The following DLG2 variants were observed in gnomAD, a reference collection of about 807,000 sequenced individuals.
The protein encoded by DLG2 is discs large MAGUK scaffold protein 2.
In DLG2, 45 loss-of-function variants were observed where a neutral mutation model predicts 132.5. The observed-to-expected ratio is 0.34, with a 90% CI of 0.27 to 0.44. The LOEUF is 0.44. Ranked by LOEUF, DLG2 falls within the 20% of genes least tolerant of loss-of-function variation. DLG2 has a pLI of 1.00. For synonymous variants in DLG2, 424 were observed against 419.6 expected, an observed-to-expected ratio of 1.01 and a Z score of -0.13; for missense variants, 1,045 against 1,196.9, an observed-to-expected ratio of 0.87 and a Z score of 1.87.
intron 4 of DLG2, among the ~76,000 whole-genome samples, chr11:85,184,846 T>C (rs2079979884): frequency 6.6e-6 from 1 of 151,794 alleles, no homozygotes; most frequent in Non-Finnish European, 1.5e-5. Context: ...TTAACAACTA[T>C]ACTGTGTTAT....
intron 6 of DLG2, among the ~76,000 whole-genome samples, chr11:84,618,014 G>T (rs762602760): frequency 5.9e-5 from 9 of 152,082 alleles, no homozygotes; most frequent in Admixed American, 2.6e-4. Flanking sequence ...GGGGCTTAAA[G>T]AACACTTAAA....
chr11:85,364,497 C>G (rs780430555), intron 3 of DLG2, among the ~76,000 whole-genome samples: 1 of 152,200 alleles, frequency 6.6e-6, no homozygotes, highest in Non-Finnish European at 1.5e-5. Flanking sequence ...TGATTCTACA[C>G]TGACACATGG....
intron 6 of DLG2, among the ~76,000 whole-genome samples, chr11:85,059,054 A>G (rs964193463): frequency 2.0e-5 from 3 of 151,562 alleles, no homozygotes; most frequent in African/African-American, 7.2e-5. Context: ...TCGCCGTTAG[A>G]AAAAGGAAAA....
At chr11:85,610,871 A>G (rs1002537310) in intron 2 of DLG2, among the ~76,000 whole-genome samples, 1 of 152,226 alleles carries the variant, frequency 6.6e-6, no homozygotes, top group Non-Finnish European at 1.5e-5. Flanking sequence ...GGTTCCTTGG[A>G]ATCACGGGCT....
At chr11:84,382,645 T>C (rs140374036) in intron 7 of DLG2, among the ~76,000 whole-genome samples, 1 of 152,260 alleles carries the variant, frequency 6.6e-6, no homozygotes, top group African/African-American at 2.4e-5. Context: ...TGTCCTTAAA[T>C]ACCAATTTGG....
At chr11:84,827,260 A>G (rs1210654564) in intron 6 of DLG2, among the ~76,000 whole-genome samples, 1 of 151,758 alleles carries the variant, frequency 6.6e-6, no homozygotes, top group Non-Finnish European at 1.5e-5. Context: ...TCGAGGGGGC[A>G]TCATGGTAAT....
At chr11:84,673,134 A>G (rs1026292508) in intron 6 of DLG2, among the ~76,000 whole-genome samples, 34 of 152,116 alleles carry the variant, frequency 2.2e-4, no homozygotes, top group Non-Finnish European at 2.4e-4. Context: ...TTGACATGAC[A>G]TTTGGGCAGG....
intron 3 of DLG2, among the ~76,000 whole-genome samples, chr11:85,332,024 C>A (rs1165934856): frequency 2.0e-5 from 3 of 152,154 alleles, no homozygotes; most frequent in African/African-American, 7.2e-5. Context: ...GTTTTAAGTT[C>A]TTTGAGAAAT....
chr11:83,836,258 A>T (rs1392758735), intron 16 of DLG2, among the ~76,000 whole-genome samples: 1 of 152,160 alleles, frequency 6.6e-6, no homozygotes, highest in African/African-American at 2.4e-5. Flanking sequence ...TTGCATGTTC[A>T]TCTCATCCAG....
intron 15 of DLG2, among the ~76,000 whole-genome samples, chr11:83,875,259 ATAAG>A (rs1166437452): frequency 6.6e-6 from 1 of 152,176 alleles, no homozygotes; most frequent in Non-Finnish European, 1.5e-5. Context: ...GATTTTGTAG[ATAAG>A]TAATATAAAT....
At chr11:84,502,251 C>CTTCTTTCTTTCTTTCT in intron 7 of DLG2, among the ~76,000 whole-genome samples, 1 of 35,576 alleles carries the variant, frequency 2.8e-5, no homozygotes, top group South Asian at 1.5e-3. Context: ...TCCTTCCTTC[C>CTTCTTTCTTTCTTTCT]TTCCTTCCTT....
At chr11:84,547,812 A>G (rs183004499) in intron 6 of DLG2, among the ~76,000 whole-genome samples, 1 of 152,140 alleles carries the variant, frequency 6.6e-6, no homozygotes, top group African/African-American at 2.4e-5. Flanking sequence ...TCTGCTTGGG[A>G]CCCAGTAGGT....
chr11:83,733,794 G>A (rs2091433606), intron 18 of DLG2, among the ~76,000 whole-genome samples: 1 of 152,168 alleles, frequency 6.6e-6, no homozygotes, highest in South Asian at 2.1e-4. Flanking sequence ...GGATTTAGGA[G>A]GATACACGTG....
chr11:85,171,851 T>A (rs1042381004), intron 4 of DLG2, among the ~76,000 whole-genome samples: 1 of 152,220 alleles, frequency 6.6e-6, no homozygotes, highest in Non-Finnish European at 1.5e-5. Context: ...TGCCAGATCA[T>A]GGCCAGACTG....
intron 18 of DLG2, among the ~76,000 whole-genome samples, chr11:83,645,382 A>C (rs2067858550): frequency 6.6e-6 from 1 of 152,122 alleles, no homozygotes; most frequent in Non-Finnish European, 1.5e-5. Context: ...TTAACAATTG[A>C]AGCAATTTAT....
chr11:84,206,750 T>C (rs2096671263), intron 8 of DLG2, among the ~76,000 whole-genome samples: 1 of 151,966 alleles, frequency 6.6e-6, no homozygotes, highest in Non-Finnish European at 1.5e-5. Flanking sequence ...GACCTTAGCA[T>C]GGACATTATA....
At chr11:84,336,538 A>G (rs2098485475) in intron 7 of DLG2, among the ~76,000 whole-genome samples, 1 of 152,144 alleles carries the variant, frequency 6.6e-6, no homozygotes, top group Non-Finnish European at 1.5e-5. Context: ...TACCAAGACC[A>G]CAGAGCCTCA....
intron 15 of DLG2, among the ~76,000 whole-genome samples, chr11:83,892,009 T>C (rs904576923): frequency 6.6e-6 from 1 of 152,176 alleles, no homozygotes; most frequent in African/African-American, 2.4e-5. Context: ...TGTAGAGTTA[T>C]CACCCTCATT....
At position 84,061,847 on chromosome 11, in the gene DLG2, T is replaced by C. The variant is rs868470073; in HGVS notation, c.750-2363A>G. ...ACTTACACATACATTTCCTCTCTGA[T>C]TGACAAAAAAAAAAAAAAAAAAGGG... On this transcript the variant is annotated intron_variant, in intron 10 of 27. Transcript: ENST00000376104. Among the ~76,000 whole-genome samples, 34 of 22,576 alleles carry C rather than the reference T, an allele frequency of 1.5e-3. No homozygotes were observed. In the Middle Eastern group the frequency reaches 0.069, roughly 46 times the overall value. The allele number at this position is 22,576 out of a possible 152,430, so 14.8% of individuals were successfully genotyped here.
Sources: gnomAD v4.1 joint callset for allele counts (sites outside exome capture counted in the v4.1 genomes callset) on GRCh38, gnomAD v4.1.1 for gene constraint, MANE v1.5 for transcripts, NCBI Gene and HGNC (gene_info 2026-07-23, HGNC 2026-07-21) for gene names.